Variants in NLGN1 observed in about 807,000 individuals in gnomAD.
The protein encoded by NLGN1 is neuroligin 1, also known as neuroligin-1.
NLGN1 carries 12 observed loss-of-function variants against 65.5 expected under a neutral mutation model. The ratio of observed to expected loss-of-function variants is 0.18; its 90% CI spans 0.12 to 0.30. NLGN1 has a LOEUF of 0.30. NLGN1 is among the 10% of genes least tolerant of loss of function. The probability of loss-of-function intolerance (pLI) is 1.00; values close to 1 mark genes in which losing one functional copy is unlikely to be tolerated. For synonymous variants in NLGN1, 350 were observed against 359.5 expected (o/e 0.97, Z 0.30); for missense variants, 750 against 1,007.1 (o/e 0.74, Z 3.46).
Position 174,279,568 on chromosome 3 carries a change from T to A in NLGN1, c.1567T>A (p.Leu523Ile). The A allele has an allele frequency of 1.2e-6, 2 of 1,613,146 alleles. No individual in the cohort carries two copies. Among genetic ancestry groups the A allele is most frequent in the Non-Finnish European group, 1.7e-6 (2 of 1,179,484 alleles). Residue 523 changes from leucine to isoleucine, a missense_variant, in exon 6 of 7, where the codon TTA becomes ATA. Physicochemically the swap from Leu to Ile is conservative, Grantham distance 5 (BLOSUM62 2). Coordinates refer to ENST00000457714, the Ensembl canonical transcript of NLGN1. The surrounding 1 kb of genome is among the most constrained non-coding windows in gnomAD (Gnocchi z 4.7). ...AATCCCCATGATTGGCCCTACAGAGTTATTTCCTTGCAATTTCTCCAAAAA... is the reference window on the plus strand; with the variant it reads ...AATCCCCATGATTGGCCCTACAGAGATATTTCCTTGCAATTTCTCCAAAAA...
At chr3:174,234,306 G>T (rs562926682) in intron 4 of NLGN1, among the ~76,000 whole-genome samples, 2 of 152,136 alleles carry the variant, frequency 1.3e-5, no homozygotes, top group Non-Finnish European at 2.9e-5. Flanking sequence ...GGGGTTTTAC[G>T]TGTCGGCATG....
intron 4 of NLGN1, among the ~76,000 whole-genome samples, chr3:174,093,329 A>G (rs1744886281): frequency 6.6e-6 from 1 of 152,214 alleles, no homozygotes; most frequent in African/African-American, 2.4e-5. Flanking sequence ...ACCTGTTTAC[A>G]GAATAGTGCT....
chr3:173,588,967 A>G (rs891541306), intron 2 of NLGN1, among the ~76,000 whole-genome samples: 3 of 152,234 alleles, frequency 2.0e-5, no homozygotes, highest in African/African-American at 7.2e-5. Context: ...CGCTAAAGGA[A>G]GTTTAATTAA....
chr3:173,757,960 G>A (rs149651389), intron 3 of NLGN1, among the ~76,000 whole-genome samples: 1 of 152,082 alleles, frequency 6.6e-6, no homozygotes, highest in African/African-American at 2.4e-5. Context: ...GCTGAATTGT[G>A]TCCCCTCCCC....
At chr3:173,886,301 TGTGA>T (rs1235130668) in intron 4 of NLGN1, among the ~76,000 whole-genome samples, 1 of 152,124 alleles carries the variant, frequency 6.6e-6, no homozygotes, top group African/African-American at 2.4e-5. Flanking sequence ...AAGAAGAGAC[TGTGA>T]GTATTTTTTT....
intron 4 of NLGN1, among the ~76,000 whole-genome samples, chr3:173,968,972 A>C (rs1328396628): frequency 6.6e-6 from 1 of 151,966 alleles, no homozygotes; most frequent in Admixed American, 6.6e-5. Flanking sequence ...AAGTGCTGAG[A>C]TTACAGAGAT....
intron 2 of NLGN1, among the ~76,000 whole-genome samples, chr3:173,520,352 T>C (rs1008216755): frequency 5.3e-5 from 8 of 152,220 alleles, no homozygotes; most frequent in Non-Finnish European, 1.0e-4. Context: ...CAAAATTTTG[T>C]TGAGATGAGA....
chr3:173,427,623 A>G (rs1395877133), intron 1 of NLGN1, among the ~76,000 whole-genome samples: 1 of 151,864 alleles, frequency 6.6e-6, no homozygotes, highest in Non-Finnish European at 1.5e-5. Context: ...GCAATTTCCA[A>G]GGTCTCCTTT....
chr3:174,244,490 T>G (rs1485647752), intron 4 of NLGN1, among the ~76,000 whole-genome samples: 1 of 152,190 alleles, frequency 6.6e-6, no homozygotes, highest in Non-Finnish European at 1.5e-5. Flanking sequence ...AGAACAATGT[T>G]TTTCAAATAA....
intron 4 of NLGN1, among the ~76,000 whole-genome samples, chr3:173,866,078 T>G (rs1730105577): frequency 6.6e-6 from 1 of 152,148 alleles, no homozygotes; most frequent in Admixed American, 6.6e-5. Flanking sequence ...CACATCTGCT[T>G]CTTTCCCTTG....
chr3:174,267,532 G>T (rs1202760348), intron 4 of NLGN1, among the ~76,000 whole-genome samples: 1 of 151,942 alleles, frequency 6.6e-6, no homozygotes, highest in Non-Finnish European at 1.5e-5. Context: ...TAGGACCTTG[G>T]CCTGTATTCT....
rs528439793 is a variant in NLGN1, at chr3:173,697,544, T to C, written c.493+92453T>C. Reference sequence around the variant, plus strand: ...CAGAGAGAAAGATTTTCTTTTTTTTTTAGACTGAGTTTCGCTCTTGTTGCC... The same window carrying C: ...CAGAGAGAAAGATTTTCTTTTTTTTCTAGACTGAGTTTCGCTCTTGTTGCC... On this transcript the variant is annotated intron_variant, in intron 3 of 6. Coordinates refer to ENST00000457714, the Ensembl canonical transcript of NLGN1. 5.3e-5 allele frequency among the ~76,000 whole-genome samples: 8 copies of C among 152,262 alleles called. No individual in the cohort carries two copies. In the East Asian group the frequency reaches 1.4e-3, roughly 26 times the overall value.
Position 174,146,093 on chromosome 3 carries a change from T to TCC in NLGN1, c.647-129222_647-129221insCC, listed in dbSNP as rs1324309549. 3.3e-4 allele frequency among the ~76,000 whole-genome samples: 41 copies of TCC among 125,182 alleles called. No individual in the cohort carries two copies. In the East Asian group the frequency reaches 0.011, roughly 33 times the overall value. 82.1% of individuals were successfully genotyped at this position (125,182 alleles called of 152,430 possible). ...ATAACCTATTAATCTATTCTACTCTTTTCCTTCCTTCCTTCCTTCCTTCCT... is the reference window on the plus strand; with the variant it reads ...ATAACCTATTAATCTATTCTACTCTTCCTTCCTTCCTTCCTTCCTTCCTTCCT... On this transcript the variant is annotated intron_variant, in intron 4 of 6. Transcript: ENST00000457714.
At chr3:173,429,366 A>G (rs1285274229) in intron 1 of NLGN1, among the ~76,000 whole-genome samples, 1 of 152,080 alleles carries the variant, frequency 6.6e-6, no homozygotes, top group Non-Finnish European at 1.5e-5. Context: ...TTTTTGTTAA[A>G]TTTATCTGAA....
intron 2 of NLGN1, among the ~76,000 whole-genome samples, chr3:173,600,592 C>CTTTTTTTTTTTTTTTTTTTTT (rs150984290): frequency 0.019 from 1,966 of 103,240 alleles, 537 homozygotes; most frequent in African/African-American, 0.026. Context: ...AAAAACATAT[C>CTTTTTTTTTTTTTTTTTTTTT]TTTTTTTTTA....
At chr3:173,935,119 C>T (rs1039446782) in intron 4 of NLGN1, among the ~76,000 whole-genome samples, 2 of 152,000 alleles carry the variant, frequency 1.3e-5, no homozygotes, top group Non-Finnish European at 2.9e-5. Context: ...TCTGGGAGTT[C>T]TGGAATCTTT....
At chr3:174,027,961 T>C (rs1206133822) in intron 4 of NLGN1, among the ~76,000 whole-genome samples, 1 of 152,160 alleles carries the variant, frequency 6.6e-6, no homozygotes, top group Non-Finnish European at 1.5e-5. Flanking sequence ...ACTGTTCTCA[T>C]GTTAGTGAAT....
chr3:173,633,611 C>A (rs902528141), intron 3 of NLGN1, among the ~76,000 whole-genome samples: 1 of 152,088 alleles, frequency 6.6e-6, no homozygotes, highest in Non-Finnish European at 1.5e-5. Context: ...TCAAAAATGA[C>A]CCTATGGGTT....
intron 4 of NLGN1, among the ~76,000 whole-genome samples, chr3:174,086,215 G>A (rs1489821436): frequency 3.3e-4 from 1 of 3,024 alleles, no homozygotes. Context: ...GCGTGTGTGT[G>A]TATATTTATG....
Sources: gnomAD v4.1 joint callset for allele counts (sites outside exome capture counted in the v4.1 genomes callset) on GRCh38, gnomAD v4.1.1 for gene constraint, Gnocchi (gnomAD v3.1) non-coding constraint, MANE v1.5 for transcripts, NCBI Gene and HGNC (gene_info 2026-07-23, HGNC 2026-07-21) for gene names.